The following SLIT1 variants were observed in gnomAD, a reference collection of about 807,000 sequenced individuals.
The protein encoded by SLIT1 is slit homolog 1 protein.
SLIT1 carries 66 observed loss-of-function variants against 186.1 expected under a neutral mutation model. That is an observed-to-expected ratio of 0.35 (90% CI 0.29 to 0.44). SLIT1 has a LOEUF of 0.44. Among genes scored for constraint, SLIT1 ranks in the 20% least tolerant of loss-of-function variants. The pLI, the probability that SLIT1 is intolerant of heterozygous loss-of-function variation, is 1.00. For missense variants in SLIT1, 1,638 were observed against 2,037.4 expected (o/e 0.80, Z 3.77); for synonymous variants, 761 against 833.8 (o/e 0.91, Z 1.50).
At chr10:97,081,122 C>T (rs1020500120) in intron 4 of SLIT1, among the ~76,000 whole-genome samples, 2 of 152,172 alleles carry the variant, frequency 1.3e-5, no homozygotes, top group Admixed American at 1.3e-4. Flanking sequence ...TGGGTTCTCC[C>T]GGTTGAGGAC....
At chr10:97,017,426 A>G (rs1423697014) in intron 28 of SLIT1, among the ~76,000 whole-genome samples, 1 of 152,104 alleles carries the variant, frequency 6.6e-6, no homozygotes, top group Non-Finnish European at 1.5e-5. Context: ...ACTAAATACT[A>G]TGTATTCCTC....
At chr10:97,125,854 A>G (rs1353183616) in intron 4 of SLIT1, among the ~76,000 whole-genome samples, 2 of 150,946 alleles carry the variant, frequency 1.3e-5, no homozygotes, top group Non-Finnish European at 3.0e-5. Flanking sequence ...AAACAAAAAA[A>G]AACAAAAAAA....
chr10:97,179,377 G>C (rs1421647085), intron 1 of SLIT1, among the ~76,000 whole-genome samples: 2 of 152,206 alleles, frequency 1.3e-5, no homozygotes, highest in Admixed American at 1.3e-4. Flanking sequence ...AGGATCACTT[G>C]AGCCCAGGAA....
At chr10:97,037,343 C>A (rs565140547) in intron 22 of SLIT1, among the ~76,000 whole-genome samples, 3 of 152,110 alleles carry the variant, frequency 2.0e-5, no homozygotes, top group South Asian at 4.2e-4. Context: ...AGAGGTTATC[C>A]GTCCGCCTCA....
chr10:97,137,691 T>G (rs920988837), intron 4 of SLIT1, among the ~76,000 whole-genome samples: 3 of 152,114 alleles, frequency 2.0e-5, no homozygotes, highest in African/African-American at 7.2e-5. Flanking sequence ...GCTCAAGTGA[T>G]CCTCCCACCT....
At chr10:97,064,713 T>C in intron 6 of SLIT1, 92 bp downstream of exon 6, 1 of 873,916 alleles carries the variant, frequency 1.1e-6, no homozygotes, top group Non-Finnish European at 1.8e-6. Flanking sequence ...TCCCTTCCTG[T>C]CTCCCTGATG....
At chr10:97,180,324 T>G (rs1850318133) in intron 1 of SLIT1, among the ~76,000 whole-genome samples, 1 of 152,266 alleles carries the variant, frequency 6.6e-6, no homozygotes, top group Non-Finnish European at 1.5e-5. Flanking sequence ...TTAATCCTCA[T>G]GACCACCCTT....
intron 3 of SLIT1, among the ~76,000 whole-genome samples, chr10:97,159,735 T>C (rs890932262): frequency 6.6e-6 from 1 of 152,144 alleles, no homozygotes; most frequent in Non-Finnish European, 1.5e-5. Flanking sequence ...ATTAGGGGCA[T>C]GAGCTCATCG....
intron 29 of SLIT1, 56 bp from the exon 30 acceptor site, chr10:97,013,890 G>A: frequency 3.2e-6 from 5 of 1,538,536 alleles, no homozygotes; most frequent in Non-Finnish European, 4.4e-6. Flanking sequence ...TGCTCTGCCG[G>A]GCAGCCAGAC....
chr10:97,037,048 TTGTGTGTGTGTGTGTGTG>T (rs59578209), intron 22 of SLIT1, among the ~76,000 whole-genome samples: 22 of 116,946 alleles, frequency 1.9e-4, no homozygotes, highest in African/African-American at 5.2e-4. Context: ...ATAACCCCCT[TTGTGTGTGTGTGTGTGTG>T]TGTGTGTGTG....
intron 4 of SLIT1, among the ~76,000 whole-genome samples, chr10:97,076,027 C>T (rs1849042305): frequency 6.6e-6 from 1 of 152,156 alleles, no homozygotes; most frequent in African/African-American, 2.4e-5. Context: ...AGCTGCAGCT[C>T]ACCAAGGCCC....
chr10:97,038,762 A>T (rs1197081960), intron 21 of SLIT1, among the ~76,000 whole-genome samples: 1 of 151,824 alleles, frequency 6.6e-6, no homozygotes, highest in African/African-American at 2.4e-5. Context: ...GCTCATCCTT[A>T]CCCCTCGCTC....
At chr10:97,029,796 G>C (rs1301208373) in intron 25 of SLIT1, among the ~76,000 whole-genome samples, 1 of 152,066 alleles carries the variant, frequency 6.6e-6, no homozygotes, top group African/African-American at 2.4e-5. Flanking sequence ...CATGGCCCCT[G>C]CCTCCAGCTC....
At chr10:97,071,901 T>C (rs746900754) in intron 4 of SLIT1, among the ~76,000 whole-genome samples, 1 of 152,202 alleles carries the variant, frequency 6.6e-6, no homozygotes. Flanking sequence ...TTTCTTATAA[T>C]AGCATCAAAG....
rs142538773 is a variant in SLIT1 at position 97,127,672 on chromosome 10, G to C, written c.413+30146C>G. ...AAGAAACACTCACTAGAGCTTCAGG[G>C]ATCATGCGTAGTCACATGGTGGCTT... is the stretch of plus-strand genomic sequence containing the variant. On this transcript the variant is annotated intron_variant, in intron 4 of 36. Transcript: ENST00000266058. Among the ~76,000 whole-genome samples the C allele has an allele frequency of 1.1e-3, 172 of 152,270 alleles. 1 individual carries two copies. Among genetic ancestry groups the C allele is most frequent in the African/African-American group, 3.9e-3 (161 of 41,548 alleles).
chr10:97,039,942 C>G, intron 21 of SLIT1, 46 bp downstream of exon 21: 2 of 1,605,412 alleles, frequency 1.2e-6, no homozygotes, highest in Non-Finnish European at 1.7e-6. Context: ...CCACTGTCCC[C>G]GTCCTGTGGA....
At chr10:97,170,593 G>A (rs1216005845) in intron 1 of SLIT1, among the ~76,000 whole-genome samples, 2 of 152,134 alleles carry the variant, frequency 1.3e-5, no homozygotes, top group Non-Finnish European at 2.9e-5. Context: ...CCCTAAGCGC[G>A]TTCTCCCTCT....
chr10:97,102,523 G>C (rs558640638), intron 4 of SLIT1: 1 of 151,860 alleles, frequency 6.6e-6, no homozygotes, highest in African/African-American at 2.4e-5. Flanking sequence ...GACAACCTTA[G>C]AGACTGCCAA....
chr10:97,016,448 T>C (rs890103719), intron 28 of SLIT1, among the ~76,000 whole-genome samples: 53 of 152,192 alleles, frequency 3.5e-4, no homozygotes, highest in African/African-American at 1.0e-3. Context: ...CAGACTGGAG[T>C]GCAGTGGTAT....
Sources: gnomAD v4.1 joint callset for allele counts (sites outside exome capture counted in the v4.1 genomes callset) on GRCh38, gnomAD v4.1.1 for gene constraint, MANE v1.5 for transcripts, NCBI Gene and HGNC (gene_info 2026-07-23, HGNC 2026-07-21) for gene names.